The following PRIM2 variants were observed in gnomAD, a reference collection of about 807,000 sequenced individuals.
PRIM2 encodes the protein DNA primase large subunit.
In PRIM2, 39 loss-of-function variants were observed where a neutral mutation model predicts 67.3. That is an observed-to-expected ratio of 0.58 (90% CI 0.45 to 0.76). PRIM2 has a LOEUF of 0.76. PRIM2 is among the 30% of genes least tolerant of loss of function. The pLI is 0.00. For missense variants in PRIM2, 398 were observed against 598.7 expected (o/e 0.66, Z 3.50); for synonymous variants, 143 against 198.7 (o/e 0.72, Z 2.36).
At chr6:57,223,891 C>T in the PRIM2 span, among the ~76,000 whole-genome samples, 9 of 152,112 alleles carry the variant, frequency 5.9e-5, no homozygotes, top group South Asian at 8.3e-4. Context: ...TAAAATGGTA[C>T]GGCCACTATG....
intron 12 of PRIM2, among the ~76,000 whole-genome samples, chr6:57,630,975 G>A (rs1777028854): frequency 6.6e-6 from 1 of 152,198 alleles, no homozygotes; most frequent in African/African-American, 2.4e-5. Flanking sequence ...CCTGGCCTCT[G>A]TGGTTGGCTG....
intron 5 of PRIM2, among the ~76,000 whole-genome samples, chr6:57,328,740 A>G (rs992197603): frequency 8.5e-5 from 13 of 152,198 alleles, no homozygotes; most frequent in Admixed American, 1.3e-4. Flanking sequence ...GGAGCTATCA[A>G]AATGTTTTCC....
intron 5 of PRIM2, among the ~76,000 whole-genome samples, chr6:57,368,291 A>G (rs1769435617): frequency 6.6e-6 from 1 of 152,140 alleles, no homozygotes; most frequent in Non-Finnish European, 1.5e-5. Flanking sequence ...CCTTAAAAAA[A>G]AACATACAGC....
rs1484601965 is a variant in PRIM2, at chr6:57,504,946, C to G, written c.694-2441C>G. On this transcript the variant is annotated intron_variant, in intron 7 of 13. Transcript: ENST00000615550. The stretch of plus-strand genomic sequence containing the variant: ...TTTTATCAATTAATGAAATTACATA[C>G]TTGCTAAACTAAACATCTGTTGTGT... Among the ~76,000 whole-genome samples, 93 of 152,310 alleles carry G rather than the reference C, an allele frequency of 6.1e-4. 3 individuals carry two copies. Among genetic ancestry groups the G allele is most frequent in the South Asian group, 4.4e-3 (21 of 4,822 alleles).
intron 7 of PRIM2, among the ~76,000 whole-genome samples, chr6:57,449,727 C>T (rs1369609992): frequency 6.6e-6 from 1 of 152,062 alleles, no homozygotes; most frequent in Non-Finnish European, 1.5e-5. Flanking sequence ...GTAAACTACA[C>T]ATGAAAGCAA....
At chr6:57,465,787 T>C (rs1773163870) in intron 7 of PRIM2, among the ~76,000 whole-genome samples, 1 of 152,086 alleles carries the variant, frequency 6.6e-6, no homozygotes, top group East Asian at 1.9e-4. Flanking sequence ...TGTACATTAG[T>C]GCTTTCTATC....
At chr6:57,393,011 T>TATAC (rs1209115296) in intron 7 of PRIM2, among the ~76,000 whole-genome samples, 2 of 151,420 alleles carry the variant, frequency 1.3e-5, no homozygotes, top group African/African-American at 4.9e-5. Context: ...TATATATATA[T>TATAC]ATACATAGAC....
chr6:57,331,954 T>A (rs895197093), intron 5 of PRIM2, among the ~76,000 whole-genome samples: 3 of 151,780 alleles, frequency 2.0e-5, no homozygotes, highest in African/African-American at 7.3e-5. Flanking sequence ...TGGTTTGGTT[T>A]GCTCTTTTCT....
At chr6:57,422,158 C>CTTTTTGTTTTTTTTTTTT (rs1771485981) in intron 7 of PRIM2, among the ~76,000 whole-genome samples, 1 of 103,318 alleles carries the variant, frequency 9.7e-6, no homozygotes, top group African/African-American at 3.5e-5. Flanking sequence ...TCTTTTCTTT[C>CTTTTTGTTTTTTTTTTTT]TTTTTTTTTT....
chr6:57,598,668 C>G (rs1331719947), intron 10 of PRIM2, among the ~76,000 whole-genome samples: 21 of 151,988 alleles, frequency 1.4e-4, no homozygotes, highest in African/African-American at 5.1e-4. Context: ...GGGAGGATTG[C>G]TTGAGCCCAG....
At chr6:57,256,714 TCACA>T in the PRIM2 span, among the ~76,000 whole-genome samples, 344 of 134,464 alleles carry the variant, frequency 2.6e-3, 2 homozygotes, top group Middle Eastern at 0.011. Flanking sequence ...TCTCTCACTT[TCACA>T]CACACACACA....
the PRIM2 span, among the ~76,000 whole-genome samples, chr6:57,247,101 G>T: frequency 6.6e-6 from 1 of 152,236 alleles, no homozygotes; most frequent in African/African-American, 2.4e-5. Flanking sequence ...TGATCCGCCC[G>T]CCTTGGCCTT....
chr6:57,439,415 T>G (rs904335494), intron 7 of PRIM2, among the ~76,000 whole-genome samples: 7 of 120,582 alleles, frequency 5.8e-5, no homozygotes, highest in East Asian at 2.2e-4. Flanking sequence ...TTTTTTTTTT[T>G]TTTTTTTTTT....
intron 5 of PRIM2, among the ~76,000 whole-genome samples, chr6:57,350,873 A>G (rs1184749366): frequency 2.0e-5 from 3 of 151,792 alleles, no homozygotes; most frequent in African/African-American, 7.3e-5. Context: ...TTTTTATTTC[A>G]AGGAAATGTG....
intron 10 of PRIM2, among the ~76,000 whole-genome samples, chr6:57,553,725 G>A (rs1255926584): frequency 6.6e-6 from 1 of 152,148 alleles, no homozygotes; most frequent in Admixed American, 6.5e-5. Flanking sequence ...TATTGCGACT[G>A]CAGAAACACT....
chr6:57,336,034 A>C (rs1407706301), intron 5 of PRIM2, among the ~76,000 whole-genome samples: 1 of 151,768 alleles, frequency 6.6e-6, no homozygotes, highest in Non-Finnish European at 1.5e-5. Context: ...GGAGCTGAAA[A>C]CCAAGGCTCG....
chr6:57,335,993 C>T (rs983657193), intron 5 of PRIM2, among the ~76,000 whole-genome samples: 1 of 151,812 alleles, frequency 6.6e-6, no homozygotes, highest in African/African-American at 2.4e-5. Flanking sequence ...ACTAGAATAA[C>T]CAATACAGAG....
Position 57,641,589 on chromosome 6 carries a change from C to T in PRIM2, c.1300-4339C>T, listed in dbSNP as rs1274414019. Among the ~76,000 whole-genome samples the T allele has an allele frequency of 6.6e-5, 10 of 152,146 alleles. No individual in the cohort carries two copies. In the South Asian group the frequency reaches 8.3e-4, roughly 13 times the overall value. ...GGGCCTAGGATATGAACAGACACTT[C>T]GCAAAAGAAGACATTTATGTGGCCA... is the stretch of plus-strand genomic sequence containing the variant. On this transcript the variant is annotated intron_variant, in intron 13 of 13. Coordinates refer to ENST00000615550, the MANE Select transcript of PRIM2 (RefSeq NM_000947.5).
chr6:57,437,546 T>TAAAAAAAC (rs1772051161), intron 7 of PRIM2, among the ~76,000 whole-genome samples: 2 of 152,154 alleles, frequency 1.3e-5, no homozygotes, highest in African/African-American at 4.8e-5. Context: ...AACAAAAAGT[T>TAAAAAAAC]TTTTTGAGGA....
Sources: gnomAD v4.1 joint callset for allele counts (sites outside exome capture counted in the v4.1 genomes callset) on GRCh38, gnomAD v4.1.1 for gene constraint, MANE v1.5 for transcripts, NCBI Gene and HGNC (gene_info 2026-07-23, HGNC 2026-07-21) for gene names.